Variants in TNIP3 observed in about 807,000 individuals in gnomAD.
TNIP3 encodes the protein TNFAIP3-interacting protein 3.
Under a neutral mutation model 54.1 loss-of-function variants are expected in TNIP3, and 34 were observed. The observed-to-expected ratio is 0.63, with a 90% confidence interval of 0.48 to 0.84. The LOEUF is 0.84. Among genes scored for constraint, TNIP3 ranks in the 40% least tolerant of loss-of-function variants. The probability of loss-of-function intolerance (pLI) is 0.00; values close to 1 mark genes in which losing one functional copy is unlikely to be tolerated. For synonymous variants in TNIP3, 134 were observed against 136.8 expected (o/e 0.98, Z 0.14); for missense variants, 366 against 387.6 (o/e 0.94, Z 0.47).
intron 4 of TNIP3, among the ~76,000 whole-genome samples, chr4:121,155,276 G>A (rs1181485682): frequency 6.6e-6 from 1 of 152,066 alleles, no homozygotes; most frequent in Non-Finnish European, 1.5e-5. Context: ...TGGGTCTGCA[G>A]GATAAGCAAG....
chr4:121,144,326 T>C (rs1379724137), intron 7 of TNIP3, among the ~76,000 whole-genome samples: 3 of 152,218 alleles, frequency 2.0e-5, no homozygotes, highest in African/African-American at 7.2e-5. Flanking sequence ...CCTCTTCTAA[T>C]AGACTAAAAT....
chr4:121,216,459 G>A (rs765647849), exon 2 of TNIP3: 209 of 1,535,480 alleles, frequency 1.4e-4, no homozygotes, highest in Non-Finnish European at 1.7e-4. Flanking sequence ...CCAGTTTATC[G>A]TCGTGTTTCT....
chr4:121,214,716 A>AT (rs1726686920), intron 2 of TNIP3, among the ~76,000 whole-genome samples: 1 of 152,116 alleles, frequency 6.6e-6, no homozygotes, highest in South Asian at 2.1e-4. Flanking sequence ...CACATCATAT[A>AT]TTTTTTGCTT....
intron 3 of TNIP3, among the ~76,000 whole-genome samples, chr4:121,171,739 T>G (rs1050806489): frequency 1.1e-4 from 17 of 152,082 alleles, no homozygotes; most frequent in Admixed American, 1.3e-4. Context: ...TTTTGTTTTG[T>G]TTTGTTTTTG....
intron 7 of TNIP3, among the ~76,000 whole-genome samples, chr4:121,143,527 A>C (rs1235747190): frequency 6.6e-6 from 1 of 152,128 alleles, no homozygotes; most frequent in Non-Finnish European, 1.5e-5. Context: ...GTAGTGTTGT[A>C]TATTTACTGT....
At chr4:121,216,369 A>C in intron 2 of TNIP3, 2 of 1,447,380 alleles carry the variant, frequency 1.4e-6, no homozygotes, top group Non-Finnish European at 1.9e-6. Context: ...CTCTAATTAG[A>C]ATATTAGTAT....
intron 7 of TNIP3, among the ~76,000 whole-genome samples, chr4:121,143,536 G>A (rs1729249700): frequency 1.3e-5 from 2 of 152,262 alleles, no homozygotes; most frequent in South Asian, 4.2e-4. Flanking sequence ...TATATTTACT[G>A]TGTGATTTTT....
intron 1 of TNIP3, among the ~76,000 whole-genome samples, chr4:121,224,348 G>A (rs774065565): frequency 8.8e-5 from 13 of 148,156 alleles, no homozygotes; most frequent in Non-Finnish European, 1.0e-4. Context: ...GGGCAACAGA[G>A]CAAGACTCTG....
At chr4:121,140,298 C>G (rs1729038795) in intron 9 of TNIP3, among the ~76,000 whole-genome samples, 1 of 150,968 alleles carries the variant, frequency 6.6e-6, no homozygotes. Flanking sequence ...CGCACCACTG[C>G]ACTACAGCCT....
chr4:121,225,024 T>C (rs1361179818), intron 1 of TNIP3, among the ~76,000 whole-genome samples: 2 of 152,210 alleles, frequency 1.3e-5, no homozygotes, highest in African/African-American at 4.8e-5. Context: ...TATTTGAAAT[T>C]TAAGATGTAA....
At chr4:121,215,041 T>A (rs954191119) in intron 2 of TNIP3, among the ~76,000 whole-genome samples, 8 of 152,212 alleles carry the variant, frequency 5.3e-5, no homozygotes, top group African/African-American at 1.9e-4. Flanking sequence ...AGATACTGAA[T>A]GTAATTGATT....
At chr4:121,203,433 A>G (rs1344929080) in intron 2 of TNIP3, among the ~76,000 whole-genome samples, 1 of 152,186 alleles carries the variant, frequency 6.6e-6, no homozygotes, top group Admixed American at 6.5e-5. Context: ...ACTCAAATGC[A>G]TGAGAATGAT....
At chr4:121,190,563 C>G (rs1226271868) in intron 2 of TNIP3, among the ~76,000 whole-genome samples, 1 of 152,126 alleles carries the variant, frequency 6.6e-6, no homozygotes, top group Non-Finnish European at 1.5e-5. Flanking sequence ...GGAAAAGGGG[C>G]TGACAAAGGC....
intron 2 of TNIP3, among the ~76,000 whole-genome samples, chr4:121,209,747 AATTAT>A (rs1364687569): frequency 6.6e-6 from 1 of 152,176 alleles, no homozygotes; most frequent in African/African-American, 2.4e-5. Flanking sequence ...GATAAATATC[AATTAT>A]ATTATTTTAT....
At chr4:121,144,391 G>C (rs778035424) in intron 7 of TNIP3, among the ~76,000 whole-genome samples, 1 of 151,928 alleles carries the variant, frequency 6.6e-6, no homozygotes, top group East Asian at 1.9e-4. Context: ...GTTTTCTAAA[G>C]CGTTTTTTTG....
chr4:121,184,519 C>G (rs114951645), intron 2 of TNIP3, among the ~76,000 whole-genome samples: 20 of 152,136 alleles, frequency 1.3e-4, no homozygotes, highest in African/African-American at 4.6e-4. Flanking sequence ...TAGAGAAATG[C>G]GGAGCTGAGA....
At chr4:121,214,326 CCTAT>C (rs1348890254) in intron 2 of TNIP3, among the ~76,000 whole-genome samples, 5 of 152,178 alleles carry the variant, frequency 3.3e-5, no homozygotes, top group African/African-American at 1.2e-4. Flanking sequence ...AGAACCTAAC[CCTAT>C]CTATTTCTTT....
rs200434182 is a variant in TNIP3, at chr4:121,157,174, G to A, written c.283C>T (p.Gln95Ter). ...FLSTREKDPH[Q>*]RQRKDDRQRE... Reference sequence around the variant, plus strand: ...TGCCTGTCGTCCTTTCTCTGCCTCTGATGCGGATCCTTCTCCCGCGTGCTG... The same window carrying A: ...TGCCTGTCGTCCTTTCTCTGCCTCTAATGCGGATCCTTCTCCCGCGTGCTG... Residue 95 changes from glutamine to a stop codon, truncating the protein, a stop_gained, in exon 4 of 11, where the codon CAG (glutamine) becomes TAG (stop). Transcript: ENST00000057513. LOFTEE classifies it high-confidence loss of function. 6.2e-7 allele frequency: 1 copy of A among 1,601,670 alleles called. No individual in the cohort carries two copies. Among genetic ancestry groups the A allele is most frequent in the East Asian group, 2.2e-5 (1 of 44,876 alleles).
At chr4:121,216,623 T>C (rs1294506178) in exon 1 of TNIP3, 17 of 1,465,960 alleles carry the variant, frequency 1.2e-5, no homozygotes, top group Non-Finnish European at 1.4e-5. Flanking sequence ...CATGTTTTTA[T>C]TCTCATGTCT....
Sources: allele counts gnomAD v4.1 joint callset (sites outside exome capture counted in the v4.1 genomes callset), GRCh38; gene constraint gnomAD v4.1.1; transcripts MANE v1.5; gene names NCBI Gene and HGNC (gene_info 2026-07-23, HGNC 2026-07-21).